FOLH1: variants seen among roughly 807,000 people sequenced by gnomAD.
FOLH1 encodes folate hydrolase 1, also known as glutamate carboxypeptidase 2.
FOLH1 carries 54 observed loss-of-function variants against 93.9 expected under a neutral mutation model. The ratio of observed to expected loss-of-function variants is 0.57; its 90% CI spans 0.46 to 0.72. FOLH1 has a LOEUF of 0.72. Ranked by LOEUF, FOLH1 falls within the 30% of genes least tolerant of loss-of-function variation. FOLH1 has a pLI of 0.00. For missense variants in FOLH1, 571 were observed against 892.5 expected, an observed-to-expected ratio of 0.64 and a Z score of 4.59; for synonymous variants, 249 against 303.6, an observed-to-expected ratio of 0.82 and a Z score of 1.87.
chr11:49,191,729 G>A (rs577136849), intron 4 of FOLH1, among the ~76,000 whole-genome samples: 2,196 of 134,962 alleles, frequency 0.016, 26 homozygotes, highest in Non-Finnish European at 0.023. Context: ...ATGGAGTCTC[G>A]CTCTGTCACC....
intron 3 of FOLH1, among the ~76,000 whole-genome samples, chr11:49,196,243 A>G (rs1862603757): frequency 6.6e-6 from 1 of 152,230 alleles, no homozygotes; most frequent in South Asian, 2.1e-4. Context: ...AAATTATCAT[A>G]TGACAAACAA....
intron 3 of FOLH1, among the ~76,000 whole-genome samples, chr11:49,199,267 G>A (rs574605493): frequency 1.3e-5 from 2 of 152,162 alleles, no homozygotes; most frequent in African/African-American, 2.4e-5. Context: ...TAAAACTGAG[G>A]TATGTTAAGT....
intron 2 of FOLH1, among the ~76,000 whole-genome samples, chr11:49,205,627 C>A (rs1463770731): frequency 2.6e-5 from 4 of 152,232 alleles, no homozygotes; most frequent in African/African-American, 4.8e-5. Flanking sequence ...GGACCACTAA[C>A]TGTTTCTGTA....
rs560073284 is a variant in FOLH1 at position 49,170,003 on chromosome 11, T to C, written c.1309-745A>G. 6.6e-5 allele frequency among the ~76,000 whole-genome samples: 10 copies of C among 151,884 alleles called. No individual in the cohort carries two copies. In the East Asian group the frequency reaches 1.2e-3, roughly 18 times the overall value. ...CAGATAGTGGCAAAATTCTTTCTTA[T>C]AAAACTTTGACTAAGTCTACAGGAG... On this transcript the variant is annotated intron_variant, in intron 11 of 18. Coordinates refer to ENST00000256999, the MANE Select transcript of FOLH1 (RefSeq NM_004476.3).
At chr11:49,155,795 C>CATATAT (rs10526900) in intron 15 of FOLH1, among the ~76,000 whole-genome samples, 3,406 of 50,862 alleles carry the variant, frequency 0.067, 318 homozygotes, top group Non-Finnish European at 0.091. Flanking sequence ...AAATGAAAAC[C>CATATAT]ATATATATAT....
intron 1 of FOLH1, chr11:49,207,910 G>A (rs575883017): frequency 1.7e-4 from 80 of 468,718 alleles, no homozygotes; most frequent in Non-Finnish European, 2.7e-4. Context: ...TACTTCCAAG[G>A]AAGAAAGAAT....
intron 10 of FOLH1, 105 bp from the exon 11 acceptor site, chr11:49,171,382 T>C: frequency 2.2e-6 from 3 of 1,359,504 alleles, no homozygotes; most frequent in South Asian, 3.3e-5. Context: ...CATTGATGGT[T>C]TGGGAAGGGC....
chr11:49,156,817 A>G lies in FOLH1; in HGVS notation c.1533-10T>C, dbSNP rs1283526236. The G allele has an allele frequency of 6.2e-7, 1 of 1,610,798 alleles. No individual in the cohort carries two copies. The highest frequency in any genetic ancestry group is 1.1e-5 in the South Asian group (1 of 90,752). On this transcript the variant is annotated splice_polypyrimidine_tract_variant and intron_variant, in intron 14 of 18. Coordinates refer to ENST00000256999, the MANE Select transcript of FOLH1 (RefSeq NM_004476.3). The stretch of plus-strand genomic sequence containing the variant: ...TCCCAATTTGCTTATCCTTTTAGAG[A>G]TAAAACAACAGAATTATTTCAAAGT...
Position 49,162,535 on chromosome 11 carries a change from C to T in FOLH1, c.1440+2170G>A, listed in dbSNP as rs538351103. On this transcript the variant is annotated intron_variant, in intron 13 of 18. Coordinates refer to ENST00000256999, the MANE Select transcript of FOLH1 (RefSeq NM_004476.3). ...AGCTTCCTAGAATTGGGTTACAACA[C>T]GCTCCTTTACCTCAGTAAACTTTGT... Among the ~76,000 whole-genome samples, 687 of 152,262 alleles carry T rather than the reference C, an allele frequency of 4.5e-3. 6 individuals are homozygous for T. The highest frequency in any genetic ancestry group is 0.015 in the African/African-American group (627 of 41,550).
At chr11:49,156,359 G>A (rs1241920254) in intron 15 of FOLH1, among the ~76,000 whole-genome samples, 1 of 152,108 alleles carries the variant, frequency 6.6e-6, no homozygotes, top group Non-Finnish European at 1.5e-5. Context: ...ATAATGGGGA[G>A]ATACTAATTT....
intron 13 of FOLH1, among the ~76,000 whole-genome samples, chr11:49,161,112 G>T (rs2134974328): frequency 6.6e-6 from 1 of 152,268 alleles, no homozygotes; most frequent in East Asian, 1.9e-4. Flanking sequence ...TGTTGTTTCT[G>T]GGTGGAGAAT....
chr11:49,183,613 C>T (rs1221939906), intron 6 of FOLH1, among the ~76,000 whole-genome samples: 1 of 152,072 alleles, frequency 6.6e-6, no homozygotes, highest in Non-Finnish European at 1.5e-5. Flanking sequence ...TAGACAAAGT[C>T]TAGGTTTCTA....
At chr11:49,189,503 C>G (rs1261731560) in intron 4 of FOLH1, among the ~76,000 whole-genome samples, 1 of 152,218 alleles carries the variant, frequency 6.6e-6, no homozygotes, top group African/African-American at 2.4e-5. Flanking sequence ...GGAACTTACA[C>G]TGCAGGTCCT....
At chr11:49,160,751 T>C (rs1242470168) in intron 13 of FOLH1, among the ~76,000 whole-genome samples, 1 of 152,122 alleles carries the variant, frequency 6.6e-6, no homozygotes, top group African/African-American at 2.4e-5. Context: ...CAGATATTTC[T>C]AACTTTTAAT....
intron 4 of FOLH1, among the ~76,000 whole-genome samples, chr11:49,188,157 A>C (rs1484854946): frequency 6.6e-6 from 1 of 152,234 alleles, no homozygotes; most frequent in Non-Finnish European, 1.5e-5. Context: ...TATCTTTATA[A>C]GTCAAATTTT....
At chr11:49,206,969 A>T in intron 1 of FOLH1, 2 of 586,704 alleles carry the variant, frequency 3.4e-6, no homozygotes, top group South Asian at 4.3e-5. Context: ...ACCAGCTTTC[A>T]TGGAGCTTTC....
intron 7 of FOLH1, among the ~76,000 whole-genome samples, chr11:49,179,920 A>C (rs981038370): frequency 2.6e-5 from 4 of 152,206 alleles, no homozygotes; most frequent in African/African-American, 7.2e-5. Context: ...TCCTACTTCT[A>C]CCACAGTGCC....
intron 12 of FOLH1, among the ~76,000 whole-genome samples, chr11:49,166,218 A>G (rs1392262279): frequency 3.3e-5 from 5 of 152,234 alleles, no homozygotes; most frequent in African/African-American, 1.2e-4. Flanking sequence ...GGCAAGTTGT[A>G]GAAGCATTTA....
intron 17 of FOLH1, among the ~76,000 whole-genome samples, chr11:49,150,513 C>T (rs111444223): frequency 6.6e-6 from 1 of 152,078 alleles, no homozygotes; most frequent in Non-Finnish European, 1.5e-5. Flanking sequence ...AGATGACTTG[C>T]TAATGTTTAG....
Sources: gnomAD v4.1 joint callset for allele counts (sites outside exome capture counted in the v4.1 genomes callset) on GRCh38, gnomAD v4.1.1 for gene constraint, MANE v1.5 for transcripts, NCBI Gene and HGNC (gene_info 2026-07-23, HGNC 2026-07-21) for gene names.